The following CRACR2A variants were observed in gnomAD, a reference collection of about 807,000 sequenced individuals.
CRACR2A encodes calcium release activated channel regulator 2A.
A neutral mutation model predicts 90.5 loss-of-function variants in CRACR2A; 79 were observed. The observed-to-expected ratio is 0.87, with a 90% confidence interval of 0.73 to 1.05. CRACR2A has a LOEUF of 1.05. Among genes scored for constraint, CRACR2A ranks in the 50% least tolerant of loss-of-function variants. CRACR2A has a pLI of 0.00. For synonymous variants in CRACR2A, 338 were observed against 356.7 expected (o/e 0.95, Z 0.59); for missense variants, 823 against 897.2 (o/e 0.92, Z 1.06).
intron 10 of CRACR2A, among the ~76,000 whole-genome samples, chr12:3,653,171 T>C (rs914418997): frequency 2.7e-4 from 41 of 152,092 alleles, no homozygotes; most frequent in Admixed American, 7.2e-4. Context: ...TTAGTAGAGA[T>C]GGGGTTTCAC....
rs143327455 is a variant in CRACR2A, at chr12:3,706,507, A to T, written c.-37+6730T>A. Among the ~76,000 whole-genome samples the T allele has an allele frequency of 2.0e-5, 3 of 152,334 alleles. No homozygotes were observed. In the East Asian group the frequency reaches 5.8e-4, roughly 29 times the overall value. On this transcript the variant is annotated intron_variant, in intron 3 of 19. Transcript: ENST00000440314. ...ATTCCAAGGCCAGAGTGCCTGAGTT[A>T]GCTGTATGACTCTGGCAAGTTTCTT...
chr12:3,626,284 A>G (rs934659841), intron 17 of CRACR2A, among the ~76,000 whole-genome samples: 1 of 152,208 alleles, frequency 6.6e-6, no homozygotes, highest in African/African-American at 2.4e-5. Context: ...GGGTCAAAGA[A>G]ATGGACAACT....
chr12:3,642,820 G>A (rs953998322), intron 12 of CRACR2A, among the ~76,000 whole-genome samples: 3 of 152,176 alleles, frequency 2.0e-5, no homozygotes, highest in Non-Finnish European at 4.4e-5. Context: ...AGGAGATGAG[G>A]CGGGGGAGTT....
intron 8 of CRACR2A, among the ~76,000 whole-genome samples, chr12:3,656,768 T>G (rs191963309): frequency 3.3e-5 from 5 of 152,222 alleles, no homozygotes; most frequent in African/African-American, 1.2e-4. Context: ...GGTCTCCTCA[T>G]GTGCAAATTG....
At chr12:3,663,365 C>A (rs1343814715) in intron 7 of CRACR2A, among the ~76,000 whole-genome samples, 3 of 152,014 alleles carry the variant, frequency 2.0e-5, no homozygotes, top group African/African-American at 7.2e-5. Context: ...AAGGACTTAC[C>A]CAGACTAGGT....
At chr12:3,696,645 C>T (rs1342894088) in intron 4 of CRACR2A, 127 bp downstream of exon 4, 4 of 1,362,686 alleles carry the variant, frequency 2.9e-6, no homozygotes, top group Non-Finnish European at 4.0e-6. Context: ...GCAGATCCTT[C>T]CTTCCAAGAC....
At chr12:3,619,741 C>A (rs1482720382) in intron 17 of CRACR2A, among the ~76,000 whole-genome samples, 4 of 152,216 alleles carry the variant, frequency 2.6e-5, no homozygotes, top group Non-Finnish European at 4.4e-5. Flanking sequence ...GCTTACAGCA[C>A]CCTGAGGGCG....
At chr12:3,682,066 G>A (rs1204538315) in intron 4 of CRACR2A, among the ~76,000 whole-genome samples, 1 of 152,182 alleles carries the variant, frequency 6.6e-6, no homozygotes, top group Admixed American at 6.5e-5. Context: ...CACGGGTGAG[G>A]AGAGAGTCAA....
At chr12:3,741,259 CTGAGGGTCT>C (rs1469963673) in intron 1 of CRACR2A, among the ~76,000 whole-genome samples, 2 of 152,130 alleles carry the variant, frequency 1.3e-5, no homozygotes, top group Non-Finnish European at 2.9e-5. Flanking sequence ...CTACTTCCTC[CTGAGGGTCT>C]TGATGTGACA....
At chr12:3,739,930 C>CA (rs11406842) in intron 1 of CRACR2A, among the ~76,000 whole-genome samples, 87,520 of 144,218 alleles carry the variant, frequency 0.61, 26,242 homozygotes, top group East Asian at 0.75. Flanking sequence ...GACTCCGTCT[C>CA]AAAAAAAAAA....
chr12:3,752,774 C>T (rs1012495085), intron 1 of CRACR2A: 2 of 152,464 alleles, frequency 1.3e-5, no homozygotes, highest in Non-Finnish European at 2.9e-5. Context: ...AACCCTAGTG[C>T]TTCTCGGCTC....
At chr12:3,701,759 C>T (rs1945838130) in intron 3 of CRACR2A, among the ~76,000 whole-genome samples, 1 of 152,042 alleles carries the variant, frequency 6.6e-6, no homozygotes, top group Admixed American at 6.5e-5. Flanking sequence ...ATAAGTAATA[C>T]CAATTCTATA....
At chr12:3,649,094 G>T (rs565152351) in intron 10 of CRACR2A, among the ~76,000 whole-genome samples, 1 of 152,010 alleles carries the variant, frequency 6.6e-6, no homozygotes, top group Admixed American at 6.6e-5. Context: ...GTGGGGGAAG[G>T]GGGGAGGGAT....
At chr12:3,678,392 G>T (rs1343690593) in intron 6 of CRACR2A, among the ~76,000 whole-genome samples, 1 of 152,174 alleles carries the variant, frequency 6.6e-6, no homozygotes, top group Non-Finnish European at 1.5e-5. Context: ...AGCCTGGTTT[G>T]CCGAGGATAC....
chr12:3,718,507 GTGAGCACT>G (rs1946111365), intron 2 of CRACR2A, among the ~76,000 whole-genome samples: 1 of 152,218 alleles, frequency 6.6e-6, no homozygotes, highest in African/African-American at 2.4e-5. Context: ...ACATATGAAG[GTGAGCACT>G]TGAACTGTGG....
chr12:3,720,502 T>C (rs950125034), intron 2 of CRACR2A, among the ~76,000 whole-genome samples: 2 of 148,412 alleles, frequency 1.3e-5, no homozygotes, highest in African/African-American at 5.0e-5. Flanking sequence ...AAATGGAGGG[T>C]ACTTAATACA....
At chr12:3,657,973 G>A (rs917501158) in intron 8 of CRACR2A, among the ~76,000 whole-genome samples, 3 of 152,196 alleles carry the variant, frequency 2.0e-5, no homozygotes, top group African/African-American at 4.8e-5. Flanking sequence ...AGAAACTGTA[G>A]CACCACTATC....
At chr12:3,704,108 TTG>T (rs1403211542) in intron 3 of CRACR2A, among the ~76,000 whole-genome samples, 1 of 152,244 alleles carries the variant, frequency 6.6e-6, no homozygotes, top group Non-Finnish European at 1.5e-5. Context: ...ATACAAAGAC[TTG>T]TACATGACTG....
intron 12 of CRACR2A, 132 bp from the exon 13 acceptor site, chr12:3,641,970 C>G (rs1357450755): frequency 1.3e-6 from 1 of 758,406 alleles, no homozygotes; most frequent in Non-Finnish European, 2.2e-6. Flanking sequence ...GTGTTCTGGT[C>G]TCCCTGTTAG....
Sources: gnomAD v4.1 joint callset for allele counts (sites outside exome capture counted in the v4.1 genomes callset) on GRCh38, gnomAD v4.1.1 for gene constraint, MANE v1.5 for transcripts, NCBI Gene and HGNC (gene_info 2026-07-23, HGNC 2026-07-21) for gene names.